The following PDE11A variants were observed in gnomAD, a reference collection of about 807,000 sequenced individuals.
PDE11A encodes phosphodiesterase 11A, also known as dual 3',5'-cyclic-AMP and -GMP phosphodiesterase 11A.
A neutral mutation model predicts 100.5 loss-of-function variants in PDE11A; 100 were observed. The observed-to-expected ratio is 1.00, with a 90% CI of 0.85 to 1.18. The LOEUF is 1.18. PDE11A is among the 50% of genes most tolerant of loss of function. The probability of loss-of-function intolerance (pLI) is 0.00; values close to 1 mark genes in which losing one functional copy is unlikely to be tolerated. For synonymous variants in PDE11A, 381 were observed against 420.8 expected, an observed-to-expected ratio of 0.91 and a Z score of 1.16; for missense variants, 1,141 against 1,152.6, an observed-to-expected ratio of 0.99 and a Z score of 0.15.
At chr2:178,069,986 C>A (rs2087103905) in intron 1 of PDE11A, among the ~76,000 whole-genome samples, 1 of 151,480 alleles carries the variant, frequency 6.6e-6, no homozygotes, top group African/African-American at 2.4e-5. Flanking sequence ...CCCAAGCATA[C>A]AAAAAGGATG....
intron 2 of PDE11A, among the ~76,000 whole-genome samples, chr2:177,981,532 C>T (rs938475817): frequency 7.3e-5 from 11 of 150,626 alleles, no homozygotes; most frequent in Non-Finnish European, 1.6e-4. Context: ...ATTGGTCTCT[C>T]TCTGTCCAAA....
chr2:177,764,605 A>G (rs1403248339), intron 10 of PDE11A, among the ~76,000 whole-genome samples: 1 of 152,184 alleles, frequency 6.6e-6, no homozygotes, highest in Non-Finnish European at 1.5e-5. Context: ...AAGCCTTTAA[A>G]CCAGCCATCT....
At chr2:177,814,959 C>T (rs2083013436) in intron 9 of PDE11A, among the ~76,000 whole-genome samples, 1 of 152,042 alleles carries the variant, frequency 6.6e-6, no homozygotes, top group African/African-American at 2.4e-5. Context: ...CGACGATGTG[C>T]CAGAGGTAGA....
At chr2:178,002,179 T>C (rs530285441) in intron 2 of PDE11A, among the ~76,000 whole-genome samples, 1 of 152,348 alleles carries the variant, frequency 6.6e-6, no homozygotes, top group East Asian at 1.9e-4. Context: ...TTTGGTTTTC[T>C]GTTCCTGCAT....
chr2:178,070,796 C>G (rs1308704099), intron 1 of PDE11A, among the ~76,000 whole-genome samples: 136 of 152,254 alleles, frequency 8.9e-4, no homozygotes, highest in African/African-American at 3.1e-3. Flanking sequence ...TTGTTTGTTT[C>G]ATAAATTAAA....
intron 13 of PDE11A, among the ~76,000 whole-genome samples, chr2:177,705,484 A>G (rs1347293489): frequency 6.6e-6 from 1 of 152,222 alleles, no homozygotes; most frequent in Non-Finnish European, 1.5e-5. Flanking sequence ...GGTCATCTTA[A>G]CATACTAAAG....
At chr2:177,933,917 T>C (rs1464284261) in intron 2 of PDE11A, among the ~76,000 whole-genome samples, 1 of 152,190 alleles carries the variant, frequency 6.6e-6, no homozygotes, top group Non-Finnish European at 1.5e-5. Flanking sequence ...TTGGGATAGC[T>C]GGCGAGCCAT....
intron 19 of PDE11A, among the ~76,000 whole-genome samples, chr2:177,646,344 C>T (rs750067607): frequency 1.2e-4 from 18 of 152,180 alleles, no homozygotes; most frequent in Non-Finnish European, 2.4e-4. Flanking sequence ...AAGTAAAGCA[C>T]ATCTTGCTAA....
chr2:177,769,064 T>G (rs1330022278), intron 10 of PDE11A, among the ~76,000 whole-genome samples: 1 of 151,820 alleles, frequency 6.6e-6, no homozygotes, highest in Admixed American at 6.6e-5. Flanking sequence ...TATTATAGAC[T>G]TTTTTTTCCC....
intron 15 of PDE11A, chr2:177,686,697 A>ATTTTTTTTTTT (rs202225715): frequency 5.6e-5 from 7 of 124,066 alleles, no homozygotes; most frequent in African/African-American, 1.9e-4. Flanking sequence ...GTACATGTAA[A>ATTTTTTTTTTT]TTTTTTTTTT....
intron 12 of PDE11A, among the ~76,000 whole-genome samples, chr2:177,717,707 A>G (rs576335375): frequency 7.9e-5 from 12 of 152,240 alleles, no homozygotes; most frequent in East Asian, 7.7e-4. Context: ...CAGGCCTCCA[A>G]TGATATTCCT....
intron 4 of PDE11A, among the ~76,000 whole-genome samples, chr2:177,884,885 G>A (rs1055946621): frequency 2.0e-5 from 3 of 152,134 alleles, no homozygotes; most frequent in African/African-American, 7.2e-5. Flanking sequence ...ATAGACACAA[G>A]TGAATGTAGA....
chr2:178,009,287 T>C (rs979529599), intron 2 of PDE11A, among the ~76,000 whole-genome samples: 1 of 152,188 alleles, frequency 6.6e-6, no homozygotes, highest in Admixed American at 6.5e-5. Context: ...TTTATACATA[T>C]TGCTGAAAAA....
intron 1 of PDE11A, among the ~76,000 whole-genome samples, chr2:178,068,061 T>A (rs2087072225): frequency 6.6e-6 from 1 of 152,208 alleles, no homozygotes; most frequent in South Asian, 2.1e-4. Context: ...ATATTCTGAA[T>A]GCTTAGAATA....
intron 8 of PDE11A, among the ~76,000 whole-genome samples, chr2:177,817,515 A>G (rs2083061316): frequency 6.6e-6 from 1 of 152,200 alleles, no homozygotes; most frequent in Admixed American, 6.5e-5. Context: ...AACAAGAGAA[A>G]TGTGAGGGCA....
At chr2:177,849,717 G>T (rs545156991) in intron 5 of PDE11A, among the ~76,000 whole-genome samples, 1 of 151,330 alleles carries the variant, frequency 6.6e-6, no homozygotes, top group Non-Finnish European at 1.5e-5. Flanking sequence ...GTGAACCCGG[G>T]AGGTGGAGCT....
chr2:177,890,754 C>T (rs944333707), intron 4 of PDE11A, among the ~76,000 whole-genome samples: 1 of 152,132 alleles, frequency 6.6e-6, no homozygotes, highest in Non-Finnish European at 1.5e-5. Flanking sequence ...AGATGATAAA[C>T]TCATGACTCC....
rs1357222693 is a variant in PDE11A, at chr2:177,905,156, A to G, written c.1103T>C (p.Ile368Thr). The change falls in exon 3 of 20, where the codon ATC becomes ACC. Residue 368 changes from isoleucine (I) to threonine (T), a missense_variant. By Grantham distance (89) the Ile-to-Thr change is moderately conservative. Coordinates refer to ENST00000286063, the MANE Select transcript of PDE11A (RefSeq NM_016953.4). ...AAAGAGCTGAGCGTTAGATATGGCG[A>G]TTCCACAAAATGGAAGATACATCTG... is the stretch of plus-strand genomic sequence containing the variant. ...VMQMYLPFCG[I>T]AISNAQLFAA... The G allele has an allele frequency of 1.2e-6, 2 of 1,607,694 alleles. No individual in the cohort carries two copies. Among genetic ancestry groups the G allele is most frequent in the African/African-American group, 2.7e-5 (2 of 74,822 alleles).
rs75947831 is a variant in PDE11A, at chr2:177,812,349, C to T, written c.1737+4480G>A. Among the ~76,000 whole-genome samples, 482 of 152,104 alleles carry T rather than the reference C, an allele frequency of 3.2e-3. 6 individuals carry two copies. Among genetic ancestry groups the T allele is most frequent in the Non-Finnish European group, 3.3e-3 (222 of 67,998 alleles). ...AAACTGATCAGGCTAATACTAAAAT[C>T]GACACTTTAAATCTTCTCCCTATGC... is the stretch of plus-strand genomic sequence containing the variant. On this transcript the variant is annotated intron_variant, in intron 9 of 19. Coordinates refer to ENST00000286063, the MANE Select transcript of PDE11A (RefSeq NM_016953.4).
Sources: allele counts gnomAD v4.1 joint callset (sites outside exome capture counted in the v4.1 genomes callset), GRCh38; gene constraint gnomAD v4.1.1; transcripts MANE v1.5; gene names NCBI Gene and HGNC (gene_info 2026-07-23, HGNC 2026-07-21).